Variants in MAFK observed in about 807,000 individuals in gnomAD.
The protein encoded by MAFK is MAF bZIP transcription factor K, also known as transcription factor MafK.
A neutral mutation model predicts 9.2 loss-of-function variants in MAFK; 1 was observed. The observed-to-expected ratio is 0.11, with a 90% CI of 0.04 to 0.52. The LOEUF is 0.52. MAFK is among the 20% of genes least tolerant of loss of function. MAFK has a pLI of 0.94. For missense variants in MAFK, 207 were observed against 236.0 expected (o/e 0.88, Z 0.81); for synonymous variants, 110 against 107.4 (o/e 1.02, Z -0.15).
At position 1,532,150 on chromosome 7, in the gene MAFK, C is replaced by T. The variant is rs141632099; in HGVS notation, c.-45+1252C>T. 1.3e-5 allele frequency among the ~76,000 whole-genome samples: 2 copies of T among 152,206 alleles called. No homozygotes were observed. Among genetic ancestry groups the T allele is most frequent in the Non-Finnish European group, 2.9e-5 (2 of 68,048 alleles). ...TTCTCCAGGGTGGGCTGCCAGGTCT[C>T]TTTACTGGCACTGAGGTTTCACCGT... is the stretch of plus-strand genomic sequence containing the variant. On this transcript the variant is annotated intron_variant, in intron 1 of 2. Coordinates refer to ENST00000343242, the MANE Select transcript of MAFK (RefSeq NM_002360.4). The surrounding 1 kb of genome is among the most constrained non-coding windows in gnomAD (Gnocchi z 4.5).
rs980027371 is a variant in MAFK, at chr7:1,532,958, G to A, written c.-45+2060G>A. Reference sequence around the variant, plus strand: ...TCCGTCCCCACCCTCCCTGCTCTCCGCGAATGGAAGATGCCTTTCCCCGCT... The same window carrying A: ...TCCGTCCCCACCCTCCCTGCTCTCCACGAATGGAAGATGCCTTTCCCCGCT... On this transcript the variant is annotated intron_variant, in intron 1 of 2. Transcript: ENST00000343242. The surrounding 1 kb of genome is among the most constrained non-coding windows in gnomAD (Gnocchi z 4.5). 1.3e-5 allele frequency among the ~76,000 whole-genome samples: 2 copies of A among 152,260 alleles called. No individual in the cohort carries two copies. Among genetic ancestry groups the A allele is most frequent in the Non-Finnish European group, 2.9e-5 (2 of 68,020 alleles).
At chr7:1,536,427 C>G (rs911874545) in intron 1 of MAFK, among the ~76,000 whole-genome samples, 1 of 152,130 alleles carries the variant, frequency 6.6e-6, no homozygotes, top group Non-Finnish European at 1.5e-5. Context: ...GCCTTGGGCC[C>G]GGGGTAGTGC....
chr7:1,540,704 G>A lies in MAFK; in HGVS notation c.*329G>A. On this transcript the variant is annotated 3_prime_UTR_variant, in exon 3 of 3. Coordinates refer to ENST00000343242, the MANE Select transcript of MAFK (RefSeq NM_002360.4). ...GCCCTCGGGAAGTTCCGCGTCCTCT[G>A]TGGGGGCTGCCGGAAGACACGGCCC... 9.6e-6 allele frequency: 3 copies of A among 311,700 alleles called. No homozygotes were observed. Among genetic ancestry groups the A allele is most frequent in the Non-Finnish European group, 1.8e-5 (3 of 167,908 alleles). The allele number at this position is 311,700 out of a possible 1,614,324, so 19.3% of individuals were successfully genotyped here.
Position 1,539,977 on chromosome 7 carries a change from A to G in MAFK, c.73A>G (p.Ser25Gly), listed in dbSNP as rs762263715. The change falls in exon 3 of 3, where the codon AGC becomes GGC. Residue 25 changes from serine to glycine, a missense_variant. Coordinates refer to ENST00000343242, the MANE Select transcript of MAFK (RefSeq NM_002360.4). ...KEAGENAPVL[S>G]DDELVSMSVR... is the part of the protein sequence containing the mutation. ...GGCGGGCGAGAACGCCCCGGTGCTCAGCGATGATGAGCTGGTGTCCATGTC... is the reference window on the plus strand; with the variant it reads ...GGCGGGCGAGAACGCCCCGGTGCTCGGCGATGATGAGCTGGTGTCCATGTC... The G allele has an allele frequency of 1.9e-6, 3 of 1,550,076 alleles. No individual in the cohort carries two copies. In the South Asian group the frequency reaches 3.6e-5, roughly 18 times the overall value.
rs1007472872 is a variant in MAFK, at chr7:1,540,705, TG to T, written c.*335del. ...CCCTCGGGAAGTTCCGCGTCCTCTGTGGGGGCTGCCGGAAGACACGGCCCCA... is the reference window on the plus strand; with the variant it reads ...CCCTCGGGAAGTTCCGCGTCCTCTGTGGGGCTGCCGGAAGACACGGCCCCA... On this transcript the variant is annotated 3_prime_UTR_variant, in exon 3 of 3. Coordinates refer to ENST00000343242, the MANE Select transcript of MAFK (RefSeq NM_002360.4). 3 of 304,702 alleles carry T rather than the reference TG, an allele frequency of 9.8e-6. No homozygotes were observed. The highest frequency in any genetic ancestry group is 1.8e-5 in the Non-Finnish European group (3 of 163,590). 18.9% of individuals were successfully genotyped at this position (304,702 alleles called of 1,614,324 possible).
In MAFK at chr7:1,534,081, C is replaced by T. The variant is rs1041418244; in HGVS notation, c.-45+3183C>T. On this transcript the variant is annotated intron_variant, in intron 1 of 2. Coordinates refer to ENST00000343242, the MANE Select transcript of MAFK (RefSeq NM_002360.4). The surrounding 1 kb of genome is among the most constrained non-coding windows in gnomAD (Gnocchi z 4.3). ...TGACCAGACGTCCTCCAAGCCGGGC[C>T]GACAGTCATGGCTTGCTGGAGGGCA... The T allele has an allele frequency of 3.8e-5, 14 of 371,228 alleles. No individual in the cohort carries two copies. Among genetic ancestry groups the T allele is most frequent in the African/African-American group, 1.9e-4 (9 of 47,460 alleles). 23.0% of individuals were successfully genotyped at this position (371,228 alleles called of 1,614,324 possible). A position where few individuals can be genotyped will look rare whatever the true frequency, so the allele number is the denominator to read the frequency against.
chr7:1,542,586 C>G lies in MAFK; in HGVS notation c.*2211C>G, dbSNP rs1017034429. On this transcript the variant is annotated 3_prime_UTR_variant, in exon 3 of 3. Coordinates refer to ENST00000343242, the MANE Select transcript of MAFK (RefSeq NM_002360.4). Reference sequence around the variant, plus strand: ...CCAGGGTGGACGGAGCCGCTGTCACCGCCCAGAGCTGGGCCGGGGAAGCAC... The same window carrying G: ...CCAGGGTGGACGGAGCCGCTGTCACGGCCCAGAGCTGGGCCGGGGAAGCAC... 1.3e-5 allele frequency: 2 copies of G among 152,304 alleles called. No homozygotes were observed. The highest frequency in any genetic ancestry group is 6.5e-5 in the Admixed American group (1 of 15,292). 9.4% of individuals were successfully genotyped at this position (152,304 alleles called of 1,614,324 possible).
rs775748199 is a variant in MAFK, at chr7:1,540,406, C to G, written c.*31C>G. 1.4e-3 allele frequency: 168 copies of G among 124,272 alleles called. No individual in the cohort carries two copies. The highest frequency in any genetic ancestry group is 4.7e-3 in the South Asian group (38 of 8,098). 7.7% of individuals were successfully genotyped at this position (124,272 alleles called of 1,614,324 possible). A position where few individuals can be genotyped will look rare whatever the true frequency, so the allele number is the denominator to read the frequency against. Reference sequence around the variant, plus strand: ...GCCGGGGGCGGGGGGTGGCGGGCGGCGGGCGGCGGGCAGGCGGGTGGGGGC... The same window carrying G: ...GCCGGGGGCGGGGGGTGGCGGGCGGGGGGCGGCGGGCAGGCGGGTGGGGGC... On this transcript the variant is annotated 3_prime_UTR_variant, in exon 3 of 3. Transcript: ENST00000343242.
In MAFK at chr7:1,540,058, C is replaced by T. The variant is rs968576404; in HGVS notation, c.154C>T (p.Leu52=). The change falls in exon 3 of 3, where the codon CTG becomes TTG. Residue 52 remains leucine, a synonymous_variant. Transcript: ENST00000343242. The part of the protein sequence containing the change: ...RGLTKEEVTR[L]KQRRRTLKNR... ...TCTCACCAAGGAGGAGGTGACCCGC[C>T]TGAAGCAGCGTCGGCGCACACTCAA... 1 of 1,559,436 alleles carries T rather than the reference C, an allele frequency of 6.4e-7. No homozygotes were observed. Among genetic ancestry groups the T allele is most frequent in the Non-Finnish European group, 8.7e-7 (1 of 1,151,692 alleles).
chr7:1,535,509 T>C (rs1426751465), intron 1 of MAFK, among the ~76,000 whole-genome samples: 1 of 152,142 alleles, frequency 6.6e-6, no homozygotes, highest in Non-Finnish European at 1.5e-5. Flanking sequence ...TTTAAAATTC[T>C]CTGGGTGTGG....
At chr7:1,538,399 C>T (rs1172219098) in intron 1 of MAFK, 31 of 984,144 alleles carry the variant, frequency 3.1e-5, no homozygotes, top group East Asian at 2.3e-4. Context: ...GCAGGGTCCT[C>T]GCTCGGGGGC....
Position 1,542,409 on chromosome 7 carries a change from C to T in MAFK, c.*2034C>T, listed in dbSNP as rs1475668966. On this transcript the variant is annotated 3_prime_UTR_variant, in exon 3 of 3. Transcript: ENST00000343242. ...CCGTCCCCCTTCATCTCCCCACGGA[C>T]TGTACCAGGCAGCTGGGCCCCGCAG... 2 of 152,532 alleles carry T rather than the reference C, an allele frequency of 1.3e-5. No individual in the cohort carries two copies. Among genetic ancestry groups the T allele is most frequent in the Non-Finnish European group, 2.9e-5 (2 of 68,086 alleles). 9.4% of individuals were successfully genotyped at this position (152,532 alleles called of 1,614,324 possible).
At chr7:1,538,323 C>T (rs1784087722) in intron 1 of MAFK, 3 of 985,372 alleles carry the variant, frequency 3.0e-6, no homozygotes, top group Non-Finnish European at 3.6e-6. Context: ...GCTCCCCCAC[C>T]TCCCTGGTCT....
At chr7:1,537,788 C>A in intron 1 of MAFK, 1 of 774,856 alleles carries the variant, frequency 1.3e-6, no homozygotes, top group South Asian at 5.8e-5. Context: ...GATTTGGGCC[C>A]GAGGGCTCCC....
In MAFK at chr7:1,540,438, CT is replaced by C. The variant is rs1437383965; in HGVS notation, c.*64del. 1.6e-6 allele frequency: 2 copies of C among 1,287,516 alleles called. No individual in the cohort carries two copies. Among genetic ancestry groups the C allele is most frequent in the Non-Finnish European group, 2.1e-6 (2 of 951,258 alleles). The allele number at this position is 1,287,516 out of a possible 1,614,324, so 79.8% of individuals were successfully genotyped here. A position where few individuals can be genotyped will look rare whatever the true frequency, so the allele number is the denominator to read the frequency against. On this transcript the variant is annotated 3_prime_UTR_variant, in exon 3 of 3. Coordinates refer to ENST00000343242, the MANE Select transcript of MAFK (RefSeq NM_002360.4). ...CGGGCAGGCGGGTGGGGGCACACCC[CT>C]CGTACCTGTCACTGGGATGCAGACT...
In MAFK at chr7:1,532,555, G is replaced by A. The variant is rs1335348038; in HGVS notation, c.-45+1657G>A. Among the ~76,000 whole-genome samples, 1 of 152,138 alleles carries A rather than the reference G, an allele frequency of 6.6e-6. No individual in the cohort carries two copies. Among genetic ancestry groups the A allele is most frequent in the Non-Finnish European group, 1.5e-5 (1 of 68,022 alleles). Reference sequence around the variant, plus strand: ...TGAGGGGCTGGTTGCCCGCAGCGTCGACTCCCCAGGTGCTGGTAAACCCGG... The same window carrying A: ...TGAGGGGCTGGTTGCCCGCAGCGTCAACTCCCCAGGTGCTGGTAAACCCGG... On this transcript the variant is annotated intron_variant, in intron 1 of 2. Transcript: ENST00000343242. This position sits in a 1 kb window ranked among gnomAD's most constrained non-coding sequence, Gnocchi z 4.5.
At chr7:1,539,334 C>A (rs542348603) in intron 2 of MAFK, 106 bp downstream of exon 2, 4 of 903,750 alleles carry the variant, frequency 4.4e-6, no homozygotes, top group Non-Finnish European at 7.0e-6. Flanking sequence ...GTGATGGAGG[C>A]CTCCCTGTTG....
intron 2 of MAFK, 41 bp from the exon 3 acceptor site, chr7:1,539,900 C>T (rs1583202819): frequency 6.8e-7 from 1 of 1,461,810 alleles, no homozygotes; most frequent in Non-Finnish European, 9.1e-7. Context: ...GGCAGACACC[C>T]CACGTTCTCC....
In MAFK at chr7:1,540,275, G is replaced by A. The variant is rs375075196; in HGVS notation, c.371G>A (p.Gly124Glu). The change falls in exon 3 of 3, where the codon GGA becomes GAA. Residue 124 changes from glycine to glutamate, a missense_variant. Physicochemically the swap from Gly to Glu is moderately conservative, Grantham distance 98 (BLOSUM62 -2). Coordinates refer to ENST00000343242, the MANE Select transcript of MAFK (RefSeq NM_002360.4). ...ACCTTCGCGCGCACCGTGGCCCGGG[G>A]ACCTGTGGCGCCCTCCAAGGTGGCC... ...LQTFARTVAR[G>E]PVAPSKVATT... is the part of the protein sequence containing the mutation. 5.6e-6 allele frequency: 9 copies of A among 1,611,380 alleles called. No individual in the cohort carries two copies. The South Asian group carries it at 6.6e-5, about 12-fold the overall frequency.
Sources: gnomAD v4.1 joint callset for allele counts (sites outside exome capture counted in the v4.1 genomes callset) on GRCh38, gnomAD v4.1.1 for gene constraint, Gnocchi (gnomAD v3.1) non-coding constraint, MANE v1.5 for transcripts, NCBI Gene and HGNC (gene_info 2026-07-23, HGNC 2026-07-21) for gene names.